TRHDE: variants seen among roughly 807,000 people sequenced by gnomAD.
TRHDE encodes the protein thyrotropin-releasing hormone-degrading ectoenzyme.
Under a neutral mutation model 125.7 loss-of-function variants are expected in TRHDE, and 72 were observed. That is an observed-to-expected ratio of 0.57 (90% CI 0.47 to 0.70). The LOEUF (loss-of-function observed/expected upper bound fraction) is 0.70, where lower values mean the gene tolerates loss of function less well. TRHDE is among the 30% of genes least tolerant of loss of function. The pLI, the probability that TRHDE is intolerant of heterozygous loss-of-function variation, is 0.00. For synonymous variants in TRHDE, 509 were observed against 509.1 expected, an observed-to-expected ratio of 1.00 and a Z score of 0.00; for missense variants, 1,110 against 1,327.1, an observed-to-expected ratio of 0.84 and a Z score of 2.54.
chr12:72,381,971 T>C (rs1360135060), intron 3 of TRHDE, among the ~76,000 whole-genome samples: 5 of 152,072 alleles, frequency 3.3e-5, no homozygotes, highest in Non-Finnish European at 7.4e-5. Flanking sequence ...CAGAATATTA[T>C]GATGTGTAAA....
intron 2 of TRHDE, among the ~76,000 whole-genome samples, chr12:72,234,545 G>A (rs1878305526): frequency 6.6e-6 from 1 of 152,058 alleles, no homozygotes; most frequent in African/African-American, 2.4e-5. Context: ...TAAATAGAAG[G>A]TAGAGACAAC....
At chr12:72,563,244 G>GTTA (rs1345434237) in intron 9 of TRHDE, among the ~76,000 whole-genome samples, 1 of 151,952 alleles carries the variant, frequency 6.6e-6, no homozygotes, top group Non-Finnish European at 1.5e-5. Context: ...AAACACCAAA[G>GTTA]TTATTTGTTT....
intron 15 of TRHDE, among the ~76,000 whole-genome samples, chr12:72,636,899 G>A (rs557335173): frequency 1.1e-4 from 16 of 152,014 alleles, no homozygotes; most frequent in African/African-American, 3.9e-4. Context: ...TGCTGGATTC[G>A]TTTTGCCAGT....
intron 2 of TRHDE, among the ~76,000 whole-genome samples, chr12:72,368,291 G>A (rs1056053195): frequency 6.6e-6 from 1 of 152,116 alleles, no homozygotes; most frequent in Non-Finnish European, 1.5e-5. Flanking sequence ...GTTATTAGAA[G>A]AAAGTCTCTA....
intron 15 of TRHDE, among the ~76,000 whole-genome samples, chr12:72,637,694 G>C (rs1205561531): frequency 6.6e-6 from 1 of 152,094 alleles, no homozygotes; most frequent in Non-Finnish European, 1.5e-5. Context: ...AGAGATTCTG[G>C]TATGTTGTGT....
At chr12:72,214,872 G>A (rs1256509703) in intron 2 of TRHDE, among the ~76,000 whole-genome samples, 10 of 152,068 alleles carry the variant, frequency 6.6e-5, no homozygotes, top group African/African-American at 2.4e-4. Context: ...ATATTCTCCT[G>A]TGCTATAGCA....
intron 3 of TRHDE, among the ~76,000 whole-genome samples, chr12:72,461,175 T>G (rs375535458): frequency 6.6e-6 from 1 of 152,180 alleles, no homozygotes; most frequent in Admixed American, 6.5e-5. Flanking sequence ...CAACCCACAA[T>G]GTGTAGCTGA....
chr12:72,310,680 GA>G (rs1052929648), intron 2 of TRHDE, among the ~76,000 whole-genome samples: 4 of 151,704 alleles, frequency 2.6e-5, no homozygotes, highest in Non-Finnish European at 4.4e-5. Context: ...TAACTCTGAA[GA>G]AAAAAAATAT....
At chr12:72,624,047 C>T (rs1465967177) in intron 15 of TRHDE, among the ~76,000 whole-genome samples, 3 of 151,972 alleles carry the variant, frequency 2.0e-5, no homozygotes, top group African/African-American at 7.2e-5. Flanking sequence ...CTAAGATTTG[C>T]TTAACCCACT....
chr12:72,297,576 AT>A (rs1310671786), intron 2 of TRHDE, among the ~76,000 whole-genome samples: 2 of 152,220 alleles, frequency 1.3e-5, no homozygotes, highest in Admixed American at 1.3e-4. Context: ...CTTCAGATTC[AT>A]GAAAAAAGTT....
At chr12:72,463,808 T>G (rs190313385) in intron 3 of TRHDE, among the ~76,000 whole-genome samples, 1 of 152,262 alleles carries the variant, frequency 6.6e-6, no homozygotes. Flanking sequence ...TATATTAGAG[T>G]GCATTTCTAG....
At chr12:72,433,343 A>G (rs565221477) in intron 3 of TRHDE, among the ~76,000 whole-genome samples, 3 of 152,238 alleles carry the variant, frequency 2.0e-5, no homozygotes, top group Admixed American at 2.0e-4. Flanking sequence ...TTTGTGAAGA[A>G]CTGATATTAA....
chr12:72,499,348 C>A (rs1878050279), intron 5 of TRHDE, 150 bp from the exon 6 acceptor site: 1 of 990,552 alleles, frequency 1.0e-6, no homozygotes, highest in Non-Finnish European at 1.4e-6. Context: ...ACTTAAGGAG[C>A]ATTTTTATTG....
intron 12 of TRHDE, among the ~76,000 whole-genome samples, chr12:72,598,584 G>A (rs1043980136): frequency 5.3e-5 from 8 of 152,022 alleles, no homozygotes; most frequent in Non-Finnish European, 1.2e-4. Flanking sequence ...GTGGGGCATG[G>A]AATAATACCT....
upstream of TRHDE, chr12:72,271,838 C>T (rs746707671): frequency 6.7e-6 from 3 of 444,518 alleles, no homozygotes; most frequent in Admixed American, 7.1e-5. Flanking sequence ...GGGGATGGCC[C>T]GGCCGGACAC....
At position 72,666,115 on chromosome 12, in the gene TRHDE, T is replaced by C. The variant is rs1875105117; in HGVS notation, c.*2920T>C. The C allele has an allele frequency of 6.6e-6, 1 of 152,152 alleles. No individual in the cohort carries two copies. The highest frequency in any genetic ancestry group is 1.5e-5 in the Non-Finnish European group (1 of 68,012). 9.4% of individuals were successfully genotyped at this position (152,152 alleles called of 1,614,324 possible). On this transcript the variant is annotated 3_prime_UTR_variant, in exon 19 of 19. Coordinates refer to ENST00000261180, the MANE Select transcript of TRHDE (RefSeq NM_013381.3). ...GCTATTATTAAGGTTATGCCATGTA[T>C]TGATAAAATGCATTGCTTTCTCAAA... is the stretch of plus-strand genomic sequence containing the variant.
chr12:72,616,445 AT>A (rs1872814586), intron 12 of TRHDE, among the ~76,000 whole-genome samples: 1 of 152,020 alleles, frequency 6.6e-6, no homozygotes, highest in African/African-American at 2.4e-5. Context: ...CCATCCTTTT[AT>A]TTTATAGACA....
chr12:72,439,924 T>G (rs1874921012), intron 3 of TRHDE, among the ~76,000 whole-genome samples: 1 of 151,880 alleles, frequency 6.6e-6, no homozygotes, highest in Non-Finnish European at 1.5e-5. Context: ...TTTTGTTGAG[T>G]GACATTCCTT....
chr12:72,428,066 C>T (rs554459395), intron 3 of TRHDE, among the ~76,000 whole-genome samples: 76 of 152,148 alleles, frequency 5.0e-4, no homozygotes, highest in Non-Finnish European at 9.6e-4. Flanking sequence ...TAACAGTAGT[C>T]GTAACAGCCA....
Sources: gnomAD v4.1 joint callset for allele counts (sites outside exome capture counted in the v4.1 genomes callset) on GRCh38, gnomAD v4.1.1 for gene constraint, MANE v1.5 for transcripts, NCBI Gene and HGNC (gene_info 2026-07-23, HGNC 2026-07-21) for gene names.